Variants in PREX2 observed in about 807,000 individuals in gnomAD.
PREX2 encodes phosphatidylinositol-3,4,5-trisphosphate dependent Rac exchange factor 2.
A neutral mutation model predicts 203.2 loss-of-function variants in PREX2; 107 were observed. That is an observed-to-expected ratio of 0.53 (90% CI 0.45 to 0.62). The LOEUF (loss-of-function observed/expected upper bound fraction) is 0.62. Among genes scored for constraint, PREX2 ranks in the 20% least tolerant of loss-of-function variants. The pLI is 0.00. For synonymous variants in PREX2, 672 were observed against 663.6 expected (o/e 1.01, Z -0.19); for missense variants, 1,777 against 1,955.9 (o/e 0.91, Z 1.72).
chr8:67,990,602 C>T (rs1009428136), intron 1 of PREX2, among the ~76,000 whole-genome samples: 22 of 151,500 alleles, frequency 1.5e-4, no homozygotes, highest in East Asian at 5.9e-4. Context: ...CTCCGCCTCC[C>T]GGGTTCAAGC....
intron 32 of PREX2, 80 bp downstream of exon 32, chr8:68,134,356 T>C: frequency 2.6e-6 from 3 of 1,146,766 alleles, no homozygotes; most frequent in Non-Finnish European, 3.8e-6. Context: ...GAAGTAGTTA[T>C]TTCTTTCCCG....
At chr8:68,130,535 A>G (rs377443450) in intron 31 of PREX2, among the ~76,000 whole-genome samples, 2 of 152,214 alleles carry the variant, frequency 1.3e-5, no homozygotes, top group African/African-American at 4.8e-5. Flanking sequence ...AAGAATCACA[A>G]TGATAATGCT....
intron 31 of PREX2, 77 bp downstream of exon 31, chr8:68,127,496 G>C: frequency 1.6e-5 from 15 of 932,402 alleles, no homozygotes; most frequent in Non-Finnish European, 2.4e-5. Flanking sequence ...GAAATTTGAG[G>C]ACAACGCCTT....
At position 68,055,908 on chromosome 8, in the gene PREX2, G is replaced by T; in HGVS notation, c.1172G>T (p.Arg391Ile). 3 of 1,613,228 alleles carry T rather than the reference G, an allele frequency of 1.9e-6. No individual in the cohort carries two copies. The highest frequency in any genetic ancestry group is 1.3e-5 in the African/African-American group (1 of 74,992). The change falls in exon 10 of 40, where the codon AGA becomes ATA. Residue 391 changes from arginine (R) to isoleucine (I), a missense_variant. Transcript: ENST00000288368. ...GAGAAACTTTATAAAATGATGTGCA[G>T]ACAAGGAAATCTGATCAAAGACCGA... is the stretch of plus-strand genomic sequence containing the variant. The part of the protein sequence containing the change: ...QGEKLYKMMC[R>I]QGNLIKDRKR...
Position 68,077,480 on chromosome 8 carries a change from T to G in PREX2, c.1642+11T>G. On this transcript the variant is annotated intron_variant, in intron 15 of 39. Coordinates refer to ENST00000288368, the MANE Select transcript of PREX2 (RefSeq NM_024870.4). ...GATTTATGCACCATGGTAGGGATTTTTTACCCTGGGAGCTTACAGATGTAT... is the reference window on the plus strand; with the variant it reads ...GATTTATGCACCATGGTAGGGATTTGTTACCCTGGGAGCTTACAGATGTAT... 1 of 1,590,008 alleles carries G rather than the reference T, an allele frequency of 6.3e-7. No individual in the cohort carries two copies. The highest frequency in any genetic ancestry group is 1.7e-4 in the Middle Eastern group (1 of 6,016).
At chr8:68,005,605 G>A (rs1807072397) in intron 1 of PREX2, among the ~76,000 whole-genome samples, 1 of 152,140 alleles carries the variant, frequency 6.6e-6, no homozygotes, top group Non-Finnish European at 1.5e-5. Context: ...AATTGTTGGT[G>A]CATTTGTCCA....
At chr8:68,013,203 G>C (rs183298060) in intron 1 of PREX2, among the ~76,000 whole-genome samples, 47 of 152,308 alleles carry the variant, frequency 3.1e-4, no homozygotes, top group Admixed American at 2.5e-3. Context: ...GTGGGAGACG[G>C]ACAGTAAACA....
At chr8:68,183,464 T>G (rs923036054) in intron 35 of PREX2, among the ~76,000 whole-genome samples, 1 of 152,172 alleles carries the variant, frequency 6.6e-6, no homozygotes, top group African/African-American at 2.4e-5. Flanking sequence ...TTGAAAGGAT[T>G]TGCTTCTTTT....
At chr8:68,122,103 T>A (rs921661555) in intron 30 of PREX2, among the ~76,000 whole-genome samples, 1 of 152,030 alleles carries the variant, frequency 6.6e-6, no homozygotes, top group African/African-American at 2.4e-5. Flanking sequence ...TCAAATGGAG[T>A]CTGAGTTAGT....
chr8:68,102,032 A>G (rs1185055693), intron 23 of PREX2, among the ~76,000 whole-genome samples: 1 of 152,224 alleles, frequency 6.6e-6, no homozygotes, highest in Non-Finnish European at 1.5e-5. Context: ...CCATTTACTC[A>G]TAGGTAACTG....
chr8:68,179,402 A>T (rs971483655), intron 35 of PREX2, among the ~76,000 whole-genome samples: 3 of 152,092 alleles, frequency 2.0e-5, no homozygotes, highest in African/African-American at 7.2e-5. Flanking sequence ...TGTTCTTTAA[A>T]CAGGGAAGGA....
chr8:68,153,539 ATATAT>A (rs1189693339), intron 34 of PREX2, among the ~76,000 whole-genome samples: 2 of 152,190 alleles, frequency 1.3e-5, no homozygotes, highest in Non-Finnish European at 2.9e-5. Context: ...CTTTTGAGAA[ATATAT>A]TATTTTATGG....
chr8:68,065,444 T>A (rs376849721), intron 11 of PREX2, among the ~76,000 whole-genome samples: 20 of 152,208 alleles, frequency 1.3e-4, no homozygotes, highest in African/African-American at 1.7e-4. Context: ...GGGGAAAAGA[T>A]ACCAAAAAGC....
chr8:68,126,320 T>C (rs1391332714), intron 30 of PREX2, among the ~76,000 whole-genome samples: 1 of 152,136 alleles, frequency 6.6e-6, no homozygotes, highest in Non-Finnish European at 1.5e-5. Flanking sequence ...TTAAACAAAT[T>C]TCAAAGACTT....
chr8:68,131,401 T>C (rs1032883330), intron 31 of PREX2, among the ~76,000 whole-genome samples: 4 of 152,228 alleles, frequency 2.6e-5, no homozygotes, highest in African/African-American at 9.6e-5. Context: ...CAGAAAATTA[T>C]CTCATGAAAT....
chr8:68,025,848 T>C (rs1015928989), intron 4 of PREX2, among the ~76,000 whole-genome samples: 2 of 152,044 alleles, frequency 1.3e-5, no homozygotes, highest in African/African-American at 4.8e-5. Flanking sequence ...GTATTATGAA[T>C]TGAGTTCGCA....
intron 1 of PREX2, among the ~76,000 whole-genome samples, chr8:67,953,998 C>T (rs956122890): frequency 6.6e-6 from 1 of 152,136 alleles, no homozygotes. Flanking sequence ...GATCTGTGAA[C>T]AAAGTACTGT....
In PREX2 at chr8:68,097,125, A is replaced by G. The variant is rs1318981775; in HGVS notation, c.2477A>G (p.Asp826Gly). The change falls in exon 22 of 40, where the codon GAC (aspartate) becomes GGC (glycine). Residue 826 changes from aspartate (D) to glycine (G), a missense_variant. Physicochemically the swap from Asp to Gly is moderately conservative, Grantham distance 94. Transcript: ENST00000288368. The stretch of plus-strand genomic sequence containing the variant: ...GAATATGGTGTCGTGTATGAGTACG[A>G]CAGCACAGCTGGCATCAAGTGCAAT... ...HLEYGVVYEY[D>G]STAGIKCNVV... 6.2e-7 allele frequency: 1 copy of G among 1,614,056 alleles called. No individual in the cohort carries two copies.
chr8:68,121,225 G>A (rs528381162), intron 30 of PREX2, among the ~76,000 whole-genome samples, 176 bp downstream of exon 30: 1 of 151,988 alleles, frequency 6.6e-6, no homozygotes, highest in Admixed American at 6.6e-5. Flanking sequence ...AAGATTATAG[G>A]GTCTTGTGTC....
Sources: gnomAD v4.1 joint callset for allele counts (sites outside exome capture counted in the v4.1 genomes callset) on GRCh38, gnomAD v4.1.1 for gene constraint, MANE v1.5 for transcripts, NCBI Gene and HGNC (gene_info 2026-07-23, HGNC 2026-07-21) for gene names.